The following SOX5 variants were observed in gnomAD, a reference collection of about 807,000 sequenced individuals.
SOX5 encodes the protein transcription factor SOX-5.
Under a neutral mutation model 92.0 loss-of-function variants are expected in SOX5, and 9 were observed. The observed-to-expected ratio is 0.10, with a 90% CI of 0.06 to 0.17. The LOEUF (loss-of-function observed/expected upper bound fraction) is 0.17, where lower values mean the gene tolerates loss of function less well. Ranked by LOEUF, SOX5 falls within the 10% of genes least tolerant of loss-of-function variation. The probability of loss-of-function intolerance (pLI) is 1.00; values close to 1 mark genes in which losing one functional copy is unlikely to be tolerated. For synonymous variants in SOX5, 344 were observed against 336.3 expected, an observed-to-expected ratio of 1.02 and a Z score of -0.25; for missense variants, 642 against 944.5, an observed-to-expected ratio of 0.68 and a Z score of 4.20.
intron 4 of SOX5, among the ~76,000 whole-genome samples, chr12:24,140,167 T>A (rs563034832): frequency 1.3e-5 from 2 of 152,166 alleles, no homozygotes; most frequent in Admixed American, 6.5e-5. Context: ...GGATTAATAG[T>A]GTAGGTCAAT....
At chr12:24,415,432 T>A (rs1045671070) in intron 1 of SOX5, among the ~76,000 whole-genome samples, 5 of 152,236 alleles carry the variant, frequency 3.3e-5, no homozygotes, top group African/African-American at 1.2e-4. Flanking sequence ...GTTTTTTTTA[T>A]ACACATAAAG....
intron 2 of SOX5, among the ~76,000 whole-genome samples, chr12:24,320,842 G>A (rs1950142051): frequency 1.3e-5 from 2 of 149,210 alleles, no homozygotes; most frequent in Admixed American, 6.6e-5. Flanking sequence ...TCCAGCCTGG[G>A]CGACAGAGCA....
chr12:24,507,675 T>C (rs1368992301), intron 1 of SOX5, among the ~76,000 whole-genome samples: 1 of 152,190 alleles, frequency 6.6e-6, no homozygotes, highest in Admixed American at 6.5e-5. Flanking sequence ...TTCATTAGGC[T>C]TTAAATAACA....
At chr12:24,451,925 G>A (rs1191962062) in intron 1 of SOX5, among the ~76,000 whole-genome samples, 4 of 152,164 alleles carry the variant, frequency 2.6e-5, no homozygotes, top group Non-Finnish European at 5.9e-5. Context: ...GTGAAATCAG[G>A]AATCAGGTCT....
intron 1 of SOX5, among the ~76,000 whole-genome samples, chr12:24,437,848 T>A (rs1354842286): frequency 6.6e-6 from 1 of 152,188 alleles, no homozygotes; most frequent in African/African-American, 2.4e-5. Flanking sequence ...TGTAAATTAG[T>A]TCAACCATTG....
chr12:24,499,386 G>A (rs1483117071), intron 1 of SOX5, among the ~76,000 whole-genome samples: 4 of 152,210 alleles, frequency 2.6e-5, no homozygotes, highest in Non-Finnish European at 5.9e-5. Flanking sequence ...CATGAGGTGT[G>A]GACTTTGAAA....
intron 11 of SOX5, among the ~76,000 whole-genome samples, chr12:23,559,971 C>G (rs1159002242): frequency 6.6e-6 from 1 of 152,056 alleles, no homozygotes; most frequent in African/African-American, 2.4e-5. Flanking sequence ...AGTACAATGG[C>G]GTGATCTCGG....
intron 1 of SOX5, among the ~76,000 whole-genome samples, chr12:23,916,285 C>T (rs1003322987): frequency 6.6e-6 from 1 of 152,062 alleles, no homozygotes; most frequent in Admixed American, 6.6e-5. Flanking sequence ...AGGAGTGTAA[C>T]CGCACACAAT....
intron 4 of SOX5, among the ~76,000 whole-genome samples, chr12:24,020,405 A>G (rs148517228): frequency 1.3e-5 from 2 of 152,202 alleles, no homozygotes; most frequent in Non-Finnish European, 2.9e-5. Context: ...CAGAATTAAC[A>G]ATGTTCAGGC....
At chr12:24,392,486 TC>T (rs1238581781) in intron 1 of SOX5, among the ~76,000 whole-genome samples, 1 of 151,980 alleles carries the variant, frequency 6.6e-6, no homozygotes, top group Non-Finnish European at 1.5e-5. Flanking sequence ...CCATTTTCTC[TC>T]CCCAGAGTCT....
At chr12:23,621,111 T>G (rs939418184) in intron 8 of SOX5, among the ~76,000 whole-genome samples, 2 of 152,108 alleles carry the variant, frequency 1.3e-5, no homozygotes, top group African/African-American at 4.8e-5. Context: ...TAAGTAAATG[T>G]TGTTTTTGAG....
At position 23,615,097 on chromosome 12, in the gene SOX5, C is replaced by T. The variant is rs191401196; in HGVS notation, c.1018-10564G>A. 7.9e-5 allele frequency among the ~76,000 whole-genome samples: 12 copies of T among 152,230 alleles called. No individual in the cohort carries two copies. The East Asian group carries it at 2.3e-3, about 29-fold the overall frequency. On this transcript the variant is annotated intron_variant, in intron 8 of 14. Coordinates refer to ENST00000451604, the MANE Select transcript of SOX5 (RefSeq NM_006940.6). Reference sequence around the variant, plus strand: ...GATTACAGGCGTGAGCCACCGTACCCGGCCTTATATTTTCATCAATACTTG... The same window carrying T: ...GATTACAGGCGTGAGCCACCGTACCTGGCCTTATATTTTCATCAATACTTG...
chr12:24,318,911 A>T (rs1350108760), intron 2 of SOX5, among the ~76,000 whole-genome samples: 3 of 152,174 alleles, frequency 2.0e-5, no homozygotes, highest in Non-Finnish European at 4.4e-5. Context: ...CTACAGATTA[A>T]CACTCTCCTA....
chr12:24,402,475 T>C (rs936527506), intron 1 of SOX5, among the ~76,000 whole-genome samples: 1 of 152,208 alleles, frequency 6.6e-6, no homozygotes, highest in Non-Finnish European at 1.5e-5. Context: ...CTCTTTTGTA[T>C]CTTTTTCTTC....
Position 23,949,648 on chromosome 12 carries a change from G to C in SOX5, c.-47C>G, listed in dbSNP as rs756144060. ...TTTGTCACAGCAGCCACCTATGATC[G>C]TCTCCAACTGAACCTGTCAAGTGAG... On this transcript the variant is annotated 5_prime_UTR_variant, in exon 1 of 15. Transcript: ENST00000451604. 18 of 1,613,300 alleles carry C rather than the reference G, an allele frequency of 1.1e-5. No individual in the cohort carries two copies. Among genetic ancestry groups the C allele is most frequent in the African/African-American group, 8.0e-5 (6 of 74,878 alleles).
upstream of SOX5, among the ~76,000 whole-genome samples, chr12:23,955,679 G>A (rs137976123): frequency 5.9e-5 from 9 of 151,846 alleles, no homozygotes; most frequent in Admixed American, 1.3e-4. Flanking sequence ...TGGTTTGTTC[G>A]CTTATGAAGA....
At chr12:23,961,864 T>C (rs1402590805) in intron 4 of SOX5, among the ~76,000 whole-genome samples, 2 of 152,196 alleles carry the variant, frequency 1.3e-5, no homozygotes, top group African/African-American at 4.8e-5. Flanking sequence ...GAATATGCTC[T>C]TCCACTTTCA....
At chr12:24,296,127 A>T (rs2140563997) in intron 2 of SOX5, among the ~76,000 whole-genome samples, 1 of 152,330 alleles carries the variant, frequency 6.6e-6, no homozygotes, top group South Asian at 2.1e-4. Context: ...TCACTTGAAC[A>T]CCAAGCCAAG....
intron 1 of SOX5, among the ~76,000 whole-genome samples, chr12:24,487,803 T>C (rs1016304006): frequency 1.1e-4 from 16 of 152,120 alleles, no homozygotes; most frequent in African/African-American, 3.9e-4. Flanking sequence ...TGCCAGAAGA[T>C]GAGTAAGTGC....
Sources: gnomAD v4.1 joint callset for allele counts (sites outside exome capture counted in the v4.1 genomes callset) on GRCh38, gnomAD v4.1.1 for gene constraint, MANE v1.5 for transcripts, NCBI Gene and HGNC (gene_info 2026-07-23, HGNC 2026-07-21) for gene names.